PLCH1: variants seen among roughly 807,000 people sequenced by gnomAD.
The protein encoded by PLCH1 is 1-phosphatidylinositol 4,5-bisphosphate phosphodiesterase eta-1.
A neutral mutation model predicts 126.7 loss-of-function variants in PLCH1; 60 were observed. The observed-to-expected ratio is 0.47, with a 90% confidence interval of 0.38 to 0.59. The LOEUF is 0.59. Among genes scored for constraint, PLCH1 ranks in the 20% least tolerant of loss-of-function variants. The pLI is 0.00. For synonymous variants in PLCH1, 719 were observed against 734.9 expected (o/e 0.98, Z 0.35); for missense variants, 1,723 against 2,040.0 (o/e 0.84, Z 2.99).
At chr3:155,639,290 C>A (rs1261254619) in intron 2 of PLCH1, among the ~76,000 whole-genome samples, 1 of 151,772 alleles carries the variant, frequency 6.6e-6, no homozygotes, top group Non-Finnish European at 1.5e-5. Context: ...GAAACCTTGT[C>A]TCCACAAAAA....
chr3:155,688,393 T>C (rs1375610614), intron 2 of PLCH1, among the ~76,000 whole-genome samples: 2 of 152,032 alleles, frequency 1.3e-5, no homozygotes, highest in Non-Finnish European at 2.9e-5. Context: ...TAAAGGCCAG[T>C]TGAGTTGGAA....
At chr3:155,698,748 C>A (rs540549886) in intron 2 of PLCH1, among the ~76,000 whole-genome samples, 26 of 152,154 alleles carry the variant, frequency 1.7e-4, no homozygotes, top group Non-Finnish European at 2.5e-4. Context: ...CTGGGTCAGG[C>A]CATGCTTCCC....
intron 2 of PLCH1, chr3:155,676,365 G>A: frequency 3.8e-6 from 4 of 1,052,634 alleles, no homozygotes; most frequent in Non-Finnish European, 4.6e-6. Context: ...GGCTACTTTG[G>A]GTATGAGACA....
At chr3:155,644,435 G>A (rs1018216903) in intron 2 of PLCH1, among the ~76,000 whole-genome samples, 15 of 151,666 alleles carry the variant, frequency 9.9e-5, no homozygotes, top group South Asian at 4.2e-4. Context: ...AAACCCCCTC[G>A]CTACTAAAAA....
chr3:155,538,948 A>C (rs1428886666), intron 10 of PLCH1, among the ~76,000 whole-genome samples: 2 of 151,420 alleles, frequency 1.3e-5, no homozygotes, highest in East Asian at 3.9e-4. Context: ...GACATAACAA[A>C]AAAAAAAGAA....
Position 155,459,066 on chromosome 3 carries a change from A to G in PLCH1, c.2938+26290T>C, listed in dbSNP as rs113487732. 6.2e-4 allele frequency among the ~76,000 whole-genome samples: 94 copies of G among 152,332 alleles called. 1 individual carries two copies. The highest frequency in any genetic ancestry group is 2.2e-3 in the African/African-American group (91 of 41,568). ...GGCAAGCTGTGACATTAGAATTACT[A>G]AAGCTCTTATTTGTGGCTAATTGGG... On this transcript the variant is annotated intron_variant, in intron 21 of 21. Coordinates refer to the PLCH1 transcript ENST00000494598.
chr3:155,523,166 CGGGGTTT>C (rs57909653), intron 11 of PLCH1, among the ~76,000 whole-genome samples: 2,207 of 152,086 alleles, frequency 0.015, 55 homozygotes, highest in African/African-American at 0.051. Context: ...TTAGTAGAGA[CGGGGTTT>C]CACCATGTTA....
chr3:155,689,230 G>A (rs358911), intron 2 of PLCH1, among the ~76,000 whole-genome samples: 28,173 of 152,032 alleles, frequency 0.19, 2,952 homozygotes, highest in East Asian at 0.43. Context: ...ATAACTCTAC[G>A]AGTCTGAAAA....
At position 155,487,973 on chromosome 3, in the gene PLCH1, C is replaced by T. The variant is rs754164789; in HGVS notation, c.2619+55G>A. 3.8e-6 allele frequency: 4 copies of T among 1,053,662 alleles called. No homozygotes were observed. In the East Asian group the frequency reaches 7.1e-5, roughly 19 times the overall value. The allele number at this position is 1,053,662 out of a possible 1,614,324, so 65.3% of individuals were successfully genotyped here. A position where few individuals can be genotyped will look rare whatever the true frequency, so the allele number is the denominator to read the frequency against. On this transcript the variant is annotated intron_variant, in intron 21 of 22. Coordinates refer to ENST00000460012, the MANE Select transcript of PLCH1 (RefSeq NM_014996.4). ...TTCCTATTATGCAATTAATCAGTAG[C>T]ATTGTTAAGGACCATATTAATGTAT...
intron 21 of PLCH1, among the ~76,000 whole-genome samples, chr3:155,464,048 T>C (rs1471411910): frequency 2.0e-5 from 3 of 152,126 alleles, no homozygotes; most frequent in Non-Finnish European, 4.4e-5. Context: ...AAGGCAGACA[T>C]GTGAAGAGAT....
intron 2 of PLCH1, among the ~76,000 whole-genome samples, chr3:155,637,574 C>T (rs1375956756): frequency 6.6e-6 from 1 of 152,174 alleles, no homozygotes; most frequent in Non-Finnish European, 1.5e-5. Context: ...AGCACTTTTG[C>T]CCTTTTGCTA....
intron 1 of PLCH1, among the ~76,000 whole-genome samples, chr3:155,717,840 T>A (rs1199102283): frequency 1.3e-5 from 2 of 152,234 alleles, no homozygotes; most frequent in East Asian, 3.8e-4. Context: ...TATGAAAATA[T>A]CTCCGGCAAG....
chr3:155,671,863 C>A (rs2108985966), intron 2 of PLCH1, among the ~76,000 whole-genome samples: 1 of 152,082 alleles, frequency 6.6e-6, no homozygotes, highest in East Asian at 1.9e-4. Context: ...TAAAACCCTA[C>A]AAAAAGGAAA....
intron 2 of PLCH1, among the ~76,000 whole-genome samples, chr3:155,628,234 A>C (rs1463458527): frequency 6.6e-6 from 1 of 151,986 alleles, no homozygotes; most frequent in South Asian, 2.1e-4. Context: ...TATCAGAAGC[A>C]GGAATGACTC....
At position 155,482,481 on chromosome 3, in the gene PLCH1, T is replaced by A; in HGVS notation, c.3545A>T (p.Asn1182Ile). The stretch of plus-strand genomic sequence containing the variant: ...GGCTGAGATGGAACTGCCCGGCTCA[T>A]TCTCATTTGTTAAAGTGACATTGTC... ...LIDNVTLTNE[N>I]EPGSSISALI... The change falls in exon 23 of 23, where the codon AAT becomes ATT. Residue 1182 changes from asparagine (N) to isoleucine (I), a missense_variant. Physicochemically the swap from Asn to Ile is moderately radical, Grantham distance 149. This residue lies in a region of PLCH1 where 947 missense variants were observed against 977.1 expected (regional missense o/e 0.97). Transcript: ENST00000460012. 1.2e-6 allele frequency: 2 copies of A among 1,614,150 alleles called. No homozygotes were observed. Among genetic ancestry groups the A allele is most frequent in the Non-Finnish European group, 1.7e-6 (2 of 1,180,008 alleles).
At chr3:155,594,739 G>C (rs1035669774) in intron 3 of PLCH1, among the ~76,000 whole-genome samples, 6 of 151,980 alleles carry the variant, frequency 3.9e-5, no homozygotes, top group Non-Finnish European at 8.8e-5. Flanking sequence ...CAATAATTCA[G>C]GACGTGTTGA....
chr3:155,533,414 C>T (rs1426895634), intron 10 of PLCH1, among the ~76,000 whole-genome samples: 9 of 151,560 alleles, frequency 5.9e-5, no homozygotes, highest in African/African-American at 1.9e-4. Context: ...GGCATGGTGG[C>T]ACATGCCTGT....
At chr3:155,700,420 T>A (rs1343338396) in intron 2 of PLCH1, among the ~76,000 whole-genome samples, 1 of 152,212 alleles carries the variant, frequency 6.6e-6, no homozygotes, top group East Asian at 1.9e-4. Context: ...ACCCTTAATT[T>A]TATCCCTAGA....
intron 6 of PLCH1, among the ~76,000 whole-genome samples, chr3:155,579,644 T>C (rs1730407021): frequency 6.6e-6 from 1 of 152,198 alleles, no homozygotes; most frequent in African/African-American, 2.4e-5. Context: ...TCAGAAAACA[T>C]GTTTAATGCA....
Sources: allele counts gnomAD v4.1 joint callset (sites outside exome capture counted in the v4.1 genomes callset), GRCh38; gene constraint gnomAD v4.1.1; regional missense constraint gnomAD v4.1.1; transcripts MANE v1.5; gene names NCBI Gene and HGNC (gene_info 2026-07-23, HGNC 2026-07-21).